The following PTK2 variants were observed in gnomAD, a reference collection of about 807,000 sequenced individuals.
PTK2 encodes the protein protein tyrosine kinase 2.
A neutral mutation model predicts 150.1 loss-of-function variants in PTK2; 45 were observed. That is an observed-to-expected ratio of 0.30 (90% CI 0.24 to 0.38). PTK2 has a LOEUF of 0.38. Ranked by LOEUF, PTK2 falls within the 10% of genes least tolerant of loss-of-function variation. PTK2 has a pLI of 1.00. For synonymous variants in PTK2, 432 were observed against 449.2 expected, an observed-to-expected ratio of 0.96 and a Z score of 0.48; for missense variants, 919 against 1,307.3, an observed-to-expected ratio of 0.70 and a Z score of 4.58.
chr8:140,773,611 C>T (rs61608391), intron 14 of PTK2, among the ~76,000 whole-genome samples: 3,367 of 152,076 alleles, frequency 0.022, 131 homozygotes, highest in African/African-American at 0.078. Context: ...TGAGGAGCAG[C>T]AGGGAGGTCA....
chr8:140,790,299 C>A (rs968172456), intron 13 of PTK2, among the ~76,000 whole-genome samples: 1 of 152,144 alleles, frequency 6.6e-6, no homozygotes, highest in Non-Finnish European at 1.5e-5. Context: ...ATGCTTGGAA[C>A]AAGAGTGTTT....
chr8:140,729,317 G>A (rs1051304207), intron 22 of PTK2, among the ~76,000 whole-genome samples: 9 of 152,278 alleles, frequency 5.9e-5, no homozygotes, highest in South Asian at 2.1e-4. Flanking sequence ...ATATACAAGC[G>A]GTTCCCAGCA....
chr8:140,826,509 A>G lies in PTK2; in HGVS notation c.648+3963T>C, dbSNP rs985197678. On this transcript the variant is annotated intron_variant, in intron 8 of 31. Transcript: ENST00000522684. ...GTGAGAAACCAGTTCTAAGAACCGT[A>G]TTTATGAGCCACTCCATAAATCTGA... is the stretch of plus-strand genomic sequence containing the variant. 2.0e-5 allele frequency among the ~76,000 whole-genome samples: 3 copies of G among 152,210 alleles called. 1 individual carries two copies. Among genetic ancestry groups the G allele is most frequent in the Admixed American group, 2.0e-4 (3 of 15,284 alleles).
intron 1 of PTK2, among the ~76,000 whole-genome samples, chr8:140,945,246 A>C (rs941486866): frequency 6.6e-6 from 1 of 152,228 alleles, no homozygotes; most frequent in Non-Finnish European, 1.5e-5. Flanking sequence ...ACTTGAATTC[A>C]AGTGTTCCTG....
intron 1 of PTK2, among the ~76,000 whole-genome samples, chr8:140,986,401 C>A (rs1200845219): frequency 1.3e-5 from 2 of 152,168 alleles, no homozygotes; most frequent in Non-Finnish European, 1.5e-5. Context: ...AAAATATGGA[C>A]AGAATATTTT....
At chr8:140,853,312 G>C (rs572234959) in intron 5 of PTK2, among the ~76,000 whole-genome samples, 1 of 149,838 alleles carries the variant, frequency 6.7e-6, no homozygotes, top group South Asian at 2.1e-4. Context: ...TTTACATTAC[G>C]TATATATCCT....
intron 10 of PTK2, among the ~76,000 whole-genome samples, chr8:140,813,142 G>A (rs28794826): frequency 9.8e-4 from 149 of 152,188 alleles, no homozygotes; most frequent in African/African-American, 3.2e-3. Context: ...ACAAAACACC[G>A]TTTAGCAAAT....
intron 4 of PTK2, among the ~76,000 whole-genome samples, chr8:140,874,042 T>C (rs2100144135): frequency 6.6e-6 from 1 of 152,248 alleles, no homozygotes; most frequent in African/African-American, 2.4e-5. Context: ...GATGTTTCAC[T>C]ACTTGTACAT....
chr8:140,868,831 G>T (rs1008883342), intron 4 of PTK2, among the ~76,000 whole-genome samples: 2 of 152,146 alleles, frequency 1.3e-5, no homozygotes, highest in Non-Finnish European at 2.9e-5. Flanking sequence ...AGACATGACC[G>T]TAATGTGGTA....
At chr8:140,986,778 C>T (rs1217154625) in intron 1 of PTK2, among the ~76,000 whole-genome samples, 1 of 152,180 alleles carries the variant, frequency 6.6e-6, no homozygotes, top group African/African-American at 2.4e-5. Context: ...CACTGGCTGA[C>T]GCAAAAGTAA....
intron 7 of PTK2, among the ~76,000 whole-genome samples, chr8:140,842,074 T>C (rs1053628694): frequency 1.2e-4 from 19 of 152,038 alleles, no homozygotes; most frequent in South Asian, 4.1e-4. Flanking sequence ...AAGATGCATA[T>C]AGGATTATTC....
At chr8:140,778,589 A>G (rs768295765) in intron 14 of PTK2, among the ~76,000 whole-genome samples, 1 of 152,262 alleles carries the variant, frequency 6.6e-6, no homozygotes, top group Non-Finnish European at 1.5e-5. Context: ...AAGCAAGACC[A>G]AAGCAATGTG....
intron 12 of PTK2, among the ~76,000 whole-genome samples, chr8:140,794,903 C>T (rs971172456): frequency 2.0e-5 from 3 of 152,190 alleles, no homozygotes; most frequent in Admixed American, 6.5e-5. Context: ...CTCTGGATGT[C>T]TGAAGGTTGC....
intron 17 of PTK2, among the ~76,000 whole-genome samples, chr8:140,751,026 G>A (rs2154517856): frequency 6.6e-6 from 1 of 152,162 alleles, no homozygotes. Flanking sequence ...GAGATGGGAG[G>A]ATCCCTTGAG....
At chr8:140,673,364 TC>T (rs2100011777) in intron 29 of PTK2, among the ~76,000 whole-genome samples, 1 of 151,968 alleles carries the variant, frequency 6.6e-6, no homozygotes, top group Non-Finnish European at 1.5e-5. Flanking sequence ...CGTCTTGGCC[TC>T]CCGAAATGCT....
At position 140,958,847 on chromosome 8, in the gene PTK2, A is replaced by C. The variant is rs2100182111; in HGVS notation, c.-121-33098T>G. 3.9e-5 allele frequency among the ~76,000 whole-genome samples: 6 copies of C among 152,236 alleles called. 1 individual carries two copies. The highest frequency in any genetic ancestry group is 4.1e-4 in the South Asian group (2 of 4,838). ...TGTGGCTCACAATATATTTCTATTA[A>C]ACACCGTTATACCAGTTTTATTTAA... On this transcript the variant is annotated intron_variant, in intron 1 of 31. Transcript: ENST00000522684.
At chr8:140,659,832 G>A (rs893112949) in intron 31 of PTK2, among the ~76,000 whole-genome samples, 154 bp from the exon 36 acceptor site, 1 of 152,054 alleles carries the variant, frequency 6.6e-6, no homozygotes, top group Non-Finnish European at 1.5e-5. Flanking sequence ...TGGGAACACA[G>A]GCACATGCCA....
At chr8:140,736,881 C>T (rs1213495722) in intron 21 of PTK2, among the ~76,000 whole-genome samples, 1 of 152,194 alleles carries the variant, frequency 6.6e-6, no homozygotes, top group Non-Finnish European at 1.5e-5. Flanking sequence ...GGAACTGTGA[C>T]TTTATTTTTG....
At chr8:140,983,278 T>G (rs1349124627) in intron 1 of PTK2, among the ~76,000 whole-genome samples, 1 of 147,340 alleles carries the variant, frequency 6.8e-6, no homozygotes, top group East Asian at 2.0e-4. Flanking sequence ...TCCCAGCTAC[T>G]CGGAAGGCTG....
Sources: allele counts gnomAD v4.1 joint callset (sites outside exome capture counted in the v4.1 genomes callset), GRCh38; gene constraint gnomAD v4.1.1; transcripts MANE v1.5; gene names NCBI Gene and HGNC (gene_info 2026-07-23, HGNC 2026-07-21).